Variants in SF3B3 observed in about 807,000 individuals in gnomAD.
SF3B3 encodes the protein splicing factor 3b subunit 3, also known as SAP 130.
SF3B3 carries 33 observed loss-of-function variants against 139.2 expected under a neutral mutation model. The observed-to-expected ratio is 0.24, with a 90% CI of 0.18 to 0.32. The LOEUF is 0.32. SF3B3 is among the 10% of genes least tolerant of loss of function. SF3B3 has a pLI of 1.00. For synonymous variants in SF3B3, 596 were observed against 563.6 expected (o/e 1.06, Z -0.81); for missense variants, 818 against 1,509.4 (o/e 0.54, Z 7.59).
At chr16:70,542,728 T>C (rs1316841509) in intron 9 of SF3B3, among the ~76,000 whole-genome samples, 1 of 151,818 alleles carries the variant, frequency 6.6e-6, no homozygotes, top group Non-Finnish European at 1.5e-5. Flanking sequence ...CTTTTTTTTT[T>C]CTTTTTTTTT....
intron 9 of SF3B3, among the ~76,000 whole-genome samples, chr16:70,543,848 GT>G (rs570312981): frequency 9.0e-5 from 11 of 122,134 alleles, no homozygotes; most frequent in South Asian, 3.9e-4. Flanking sequence ...GTTTTTTTGT[GT>G]TTTTTTTTTT....
chr16:70,526,714 G>T lies in SF3B3; in HGVS notation c.58G>T (p.Gly20Ter). 1 of 1,613,058 alleles carries T rather than the reference G, an allele frequency of 6.2e-7. No individual in the cohort carries two copies. Among genetic ancestry groups the T allele is most frequent in the Non-Finnish European group, 8.5e-7 (1 of 1,179,172 alleles). The change falls in exon 2 of 26, where the codon GGA (glycine) becomes TGA (stop). Residue 20 changes from glycine (G) to a stop codon, truncating the protein, a stop_gained. Transcript: ENST00000302516. LOFTEE classifies it high-confidence loss of function. ...RATGISFAIH[G>*]NFSGTKQQEI... Reference sequence around the variant, plus strand: ...CACTGGCATCAGCTTTGCCATTCATGGAAACTTTTCTGGTAAGTTCTCTCG... The same window carrying T: ...CACTGGCATCAGCTTTGCCATTCATTGAAACTTTTCTGGTAAGTTCTCTCG...
intron 5 of SF3B3, among the ~76,000 whole-genome samples, chr16:70,533,660 T>C (rs561832260): frequency 6.3e-4 from 96 of 152,364 alleles, no homozygotes; most frequent in African/African-American, 2.2e-3. Flanking sequence ...TGAGTACAGC[T>C]ACATTTGTGG....
Position 70,557,080 on chromosome 16 carries a change from C to T in SF3B3, c.2010+51C>T, listed in dbSNP as rs1401573948. 2.6e-6 allele frequency: 4 copies of T among 1,522,036 alleles called. No homozygotes were observed. The East Asian group carries it at 9.2e-5, about 35-fold the overall frequency. The allele number at this position is 1,522,036 out of a possible 1,614,324, so 94.3% of individuals were successfully genotyped here. ...TGGACATTAGGCCTTCTGTACGTTT[C>T]ACACACTCCTTTGTTTGATAACAGG... is the stretch of plus-strand genomic sequence containing the variant. On this transcript the variant is annotated intron_variant, in intron 15 of 25. Coordinates refer to ENST00000302516, the MANE Select transcript of SF3B3 (RefSeq NM_012426.5).
At chr16:70,538,062 T>C (rs775983989) in intron 6 of SF3B3, 1 of 648,446 alleles carries the variant, frequency 1.5e-6, no homozygotes, top group Non-Finnish European at 2.9e-6. Flanking sequence ...CATTTTTCTC[T>C]GGACACAGTT....
At chr16:70,554,231 T>C (rs1485777980) in intron 11 of SF3B3, 1 of 435,724 alleles carries the variant, frequency 2.3e-6, no homozygotes, top group Non-Finnish European at 4.1e-6. Flanking sequence ...CTCAAGAAAA[T>C]ATTGAGGAAG....
chr16:70,562,581 A>G (rs1241585531), intron 17 of SF3B3, among the ~76,000 whole-genome samples: 1 of 152,090 alleles, frequency 6.6e-6, no homozygotes, highest in Admixed American at 6.6e-5. Flanking sequence ...TACCTGTGCT[A>G]GAATGCTTCA....
At chr16:70,550,552 C>G (rs1344893563) in intron 11 of SF3B3, 1 of 468,908 alleles carries the variant, frequency 2.1e-6, no homozygotes, top group Admixed American at 6.4e-5. Flanking sequence ...AACATTCCTT[C>G]TGCCTGCACA....
chr16:70,563,714 A>C (rs1318397026), intron 17 of SF3B3, 162 bp from the exon 18 acceptor site: 4 of 620,324 alleles, frequency 6.4e-6, no homozygotes, highest in Non-Finnish European at 1.1e-5. Flanking sequence ...CTGTGTCTGC[A>C]TCGCAGAGTT....
At chr16:70,548,520 A>G (rs1265036325) in intron 11 of SF3B3, 78 bp downstream of exon 11, 1 of 1,221,884 alleles carries the variant, frequency 8.2e-7, no homozygotes, top group Admixed American at 1.7e-5. Flanking sequence ...CTGCGTTCAT[A>G]ATACTTCTGT....
At chr16:70,550,070 G>A (rs566413278) in intron 11 of SF3B3, 1 of 152,242 alleles carries the variant, frequency 6.6e-6, no homozygotes, top group South Asian at 2.1e-4. Flanking sequence ...AATCTCAGTT[G>A]AATGCCCATT....
chr16:70,545,303 G>A (rs1346476302), intron 10 of SF3B3, among the ~76,000 whole-genome samples: 1 of 152,220 alleles, frequency 6.6e-6, no homozygotes, highest in Non-Finnish European at 1.5e-5. Flanking sequence ...CTGGGGTCAA[G>A]CAATCTGCCT....
chr16:70,560,334 G>A (rs768063655), intron 15 of SF3B3, 135 bp from the exon 16 acceptor site: 26 of 840,240 alleles, frequency 3.1e-5, no homozygotes, highest in Non-Finnish European at 4.4e-5. Flanking sequence ...CGGATTATTA[G>A]GATCTTTTTT....
chr16:70,571,539 CG>C lies in SF3B3; in HGVS notation c.3514-132del, dbSNP rs1035616768. Reference sequence around the variant, plus strand: ...AAGATTATCCCACTGCACTGCAACCCGGATGATAGGGTGAGACCCTGTCTCA... The same window carrying C: ...AAGATTATCCCACTGCACTGCAACCCGATGATAGGGTGAGACCCTGTCTCA... On this transcript the variant is annotated intron_variant, in intron 25 of 25. Transcript: ENST00000302516. 5 of 950,548 alleles carry C rather than the reference CG, an allele frequency of 5.3e-6. No homozygotes were observed. The Admixed American group carries it at 8.7e-5, about 17-fold the overall frequency. The allele number at this position is 950,548 out of a possible 1,614,324, so 58.9% of individuals were successfully genotyped here. A position where few individuals can be genotyped will look rare whatever the true frequency, so the allele number is the denominator to read the frequency against.
chr16:70,558,771 G>A (rs1194238864), intron 15 of SF3B3, among the ~76,000 whole-genome samples: 1 of 151,810 alleles, frequency 6.6e-6, no homozygotes, highest in Non-Finnish European at 1.5e-5. Context: ...AATTTTTCTT[G>A]TTTCTAGTAG....
chr16:70,539,296 C>A, intron 8 of SF3B3, 89 bp downstream of exon 8: 1 of 929,260 alleles, frequency 1.1e-6, no homozygotes, highest in Non-Finnish European at 1.8e-6. Context: ...GGCCATAATC[C>A]TAGCACTTTG....
intron 10 of SF3B3, among the ~76,000 whole-genome samples, chr16:70,546,048 C>T (rs546962340): frequency 1.3e-5 from 2 of 152,248 alleles, no homozygotes; most frequent in South Asian, 4.1e-4. Context: ...CTGTAGCCTC[C>T]AACGCCCAGT....
At chr16:70,542,372 A>T (rs536779281) in intron 9 of SF3B3, among the ~76,000 whole-genome samples, 1 of 152,354 alleles carries the variant, frequency 6.6e-6, no homozygotes, top group South Asian at 2.1e-4. Flanking sequence ...CATTGGGATC[A>T]GTTGGTAACA....
chr16:70,557,075 C>G lies in SF3B3; in HGVS notation c.2010+46C>G. 4 of 1,532,752 alleles carry G rather than the reference C, an allele frequency of 2.6e-6. No individual in the cohort carries two copies. The South Asian group carries it at 5.1e-5, about 19-fold the overall frequency. 94.9% of individuals were successfully genotyped at this position (1,532,752 alleles called of 1,614,324 possible). A position where few individuals can be genotyped will look rare whatever the true frequency, so the allele number is the denominator to read the frequency against. On this transcript the variant is annotated intron_variant, in intron 15 of 25. Transcript: ENST00000302516. ...CATTGTGGACATTAGGCCTTCTGTA[C>G]GTTTCACACACTCCTTTGTTTGATA...
Sources: gnomAD v4.1 joint callset for allele counts (sites outside exome capture counted in the v4.1 genomes callset) on GRCh38, gnomAD v4.1.1 for gene constraint, MANE v1.5 for transcripts, NCBI Gene and HGNC (gene_info 2026-07-23, HGNC 2026-07-21) for gene names.